The following CCL28 variants were observed in gnomAD, a reference collection of about 807,000 sequenced individuals.
CCL28 encodes C-C motif chemokine ligand 28.
Under a neutral mutation model 7.1 loss-of-function variants are expected in CCL28, and 4 were observed. The ratio of observed to expected loss-of-function variants is 0.56; its 90% CI spans 0.28 to 1.29. CCL28 has a LOEUF of 1.29. Ranked by LOEUF, CCL28 falls within the 50% of genes most tolerant of loss-of-function variation. The pLI is 0.11. For missense variants in CCL28, 151 were observed against 163.4 expected, an observed-to-expected ratio of 0.92 and a Z score of 0.41; for synonymous variants, 55 against 57.8, an observed-to-expected ratio of 0.95 and a Z score of 0.22.
At chr5:43,382,763 T>C (rs1489026296) in intron 2 of CCL28, among the ~76,000 whole-genome samples, 1 of 152,190 alleles carries the variant, frequency 6.6e-6, no homozygotes, top group Non-Finnish European at 1.5e-5. Flanking sequence ...CATTTTAATA[T>C]GATATAGATC....
the CCL28 span, among the ~76,000 whole-genome samples, chr5:43,371,537 A>G: frequency 2.0e-5 from 3 of 152,222 alleles, no homozygotes; most frequent in African/African-American, 7.2e-5. Context: ...TGTTGTGAGA[A>G]TACTCAGACA....
At chr5:43,366,829 T>A in the CCL28 span, among the ~76,000 whole-genome samples, 2 of 152,198 alleles carry the variant, frequency 1.3e-5, no homozygotes, top group Non-Finnish European at 2.9e-5. Context: ...CTGCCTTTCT[T>A]TCAGAGATGC....
intron 1 of CCL28, among the ~76,000 whole-genome samples, chr5:43,409,218 G>C (rs946540482): frequency 2.6e-5 from 4 of 152,268 alleles, no homozygotes; most frequent in South Asian, 4.1e-4. Context: ...CTGAGGTCAG[G>C]AGTTTGAGAC....
the CCL28 span, among the ~76,000 whole-genome samples, chr5:43,359,755 AG>A: frequency 1.4e-4 from 21 of 152,272 alleles, no homozygotes; most frequent in Middle Eastern, 3.4e-3. Context: ...ACATAACATC[AG>A]TATTGTAAGA....
chr5:43,404,477 C>A (rs1185735180), intron 1 of CCL28, among the ~76,000 whole-genome samples: 1 of 152,142 alleles, frequency 6.6e-6, no homozygotes, highest in African/African-American at 2.4e-5. Flanking sequence ...TTGTCACCAC[C>A]AGGCCTGTCT....
rs771333719 is a variant in CCL28, at chr5:43,412,364, G to A, written c.-48C>T. 14 of 1,564,922 alleles carry A rather than the reference G, an allele frequency of 8.9e-6. No homozygotes were observed. Among genetic ancestry groups the A allele is most frequent in the South Asian group, 5.7e-5 (5 of 88,116 alleles). On this transcript the variant is annotated 5_prime_UTR_variant, in exon 1 of 3. Coordinates refer to ENST00000361115, the MANE Select transcript of CCL28 (RefSeq NM_148672.3). ...GACAGCAACACAAGTGAGGCTGTTCGATCAGGAAATGAGGCTAAAGGTGTC... is the reference window on the plus strand; with the variant it reads ...GACAGCAACACAAGTGAGGCTGTTCAATCAGGAAATGAGGCTAAAGGTGTC...
downstream of CCL28, among the ~76,000 whole-genome samples, chr5:43,377,717 CTTTTTTTTTTTTTTT>C (rs767834184): frequency 1.2e-4 from 5 of 42,710 alleles, no homozygotes; most frequent in East Asian, 1.4e-3. Context: ...AGAACTTAAA[CTTTTTTTTTTTTTTT>C]TTTTTTTTTT....
At chr5:43,376,361 T>C (rs1167947931), downstream of CCL28, among the ~76,000 whole-genome samples, 2 of 152,068 alleles carry the variant, frequency 1.3e-5, no homozygotes, top group African/African-American at 4.8e-5. Flanking sequence ...ATCTGGTGGG[T>C]AGAGGCCAGA....
downstream of CCL28, among the ~76,000 whole-genome samples, chr5:43,375,976 G>A (rs1739881794): frequency 6.6e-6 from 1 of 152,118 alleles, no homozygotes; most frequent in African/African-American, 2.4e-5. Context: ...CAGAGGTTGT[G>A]GTGAGCTGAG....
the CCL28 span, among the ~76,000 whole-genome samples, chr5:43,365,223 T>G: frequency 6.6e-6 from 1 of 152,104 alleles, no homozygotes; most frequent in Non-Finnish European, 1.5e-5. Flanking sequence ...CAGGATGGTC[T>G]CGATCTCCTG....
the CCL28 span, among the ~76,000 whole-genome samples, chr5:43,365,759 A>G: frequency 2.0e-5 from 3 of 152,148 alleles, no homozygotes; most frequent in African/African-American, 4.8e-5. Context: ...GTGTTTTCCA[A>G]CTTGGTTCTA....
At chr5:43,370,263 T>C in the CCL28 span, among the ~76,000 whole-genome samples, 1 of 152,196 alleles carries the variant, frequency 6.6e-6, no homozygotes, top group Admixed American at 6.5e-5. Flanking sequence ...CAAATACCAG[T>C]TAACGAATAC....
downstream of CCL28, among the ~76,000 whole-genome samples, chr5:43,378,252 G>A (rs1022555223): frequency 7.6e-6 from 1 of 131,246 alleles, no homozygotes; most frequent in African/African-American, 4.0e-5. Context: ...TAGGGAGGCT[G>A]AGGTAAAAGG....
intron 1 of CCL28, among the ~76,000 whole-genome samples, chr5:43,401,081 T>TAAA (rs1741012513): frequency 7.6e-6 from 1 of 131,762 alleles, no homozygotes; most frequent in African/African-American, 3.0e-5. Flanking sequence ...AGACTCCGTC[T>TAAA]CAAAAAAAAA....
At chr5:43,375,954 G>A (rs986474954), downstream of CCL28, among the ~76,000 whole-genome samples, 2 of 152,178 alleles carry the variant, frequency 1.3e-5, no homozygotes, top group South Asian at 2.1e-4. Context: ...AGAATCGCTT[G>A]AGCCTGGGAA....
chr5:43,374,987 T>A (rs1195548522), downstream of CCL28, among the ~76,000 whole-genome samples: 3 of 151,922 alleles, frequency 2.0e-5, no homozygotes, highest in Non-Finnish European at 2.9e-5. Context: ...AAATGAAAGA[T>A]CTTTTTCTTT....
the CCL28 span, among the ~76,000 whole-genome samples, chr5:43,369,601 T>A: frequency 6.6e-6 from 1 of 152,032 alleles, no homozygotes; most frequent in Non-Finnish European, 1.5e-5. Context: ...AATTTTTGTA[T>A]TTTCAGTAGA....
the CCL28 span, among the ~76,000 whole-genome samples, chr5:43,362,860 G>C: frequency 6.6e-6 from 1 of 152,092 alleles, no homozygotes; most frequent in African/African-American, 2.4e-5. Context: ...ATACCAAGTG[G>C]TTCATCCAAC....
chr5:43,407,670 G>A (rs990072307), intron 1 of CCL28, among the ~76,000 whole-genome samples: 33 of 152,208 alleles, frequency 2.2e-4, no homozygotes, highest in Middle Eastern at 3.2e-3. Flanking sequence ...AAGAACTTGT[G>A]CACAGCAAAA....
Sources: allele counts gnomAD v4.1 joint callset (sites outside exome capture counted in the v4.1 genomes callset), GRCh38; gene constraint gnomAD v4.1.1; transcripts MANE v1.5; gene names NCBI Gene and HGNC (gene_info 2026-07-23, HGNC 2026-07-21).